Variants in NRXN3 observed in about 807,000 individuals in gnomAD.
NRXN3 encodes neurexin III.
In NRXN3, 32 loss-of-function variants were observed where a neutral mutation model predicts 137.6. The ratio of observed to expected loss-of-function variants is 0.23; its 90% CI spans 0.18 to 0.31. NRXN3 has a LOEUF of 0.31. Ranked by LOEUF, NRXN3 falls within the 10% of genes least tolerant of loss-of-function variation. The probability of loss-of-function intolerance (pLI) is 1.00; values close to 1 mark genes in which losing one functional copy is unlikely to be tolerated. For missense variants in NRXN3, 1,574 were observed against 2,062.5 expected, an observed-to-expected ratio of 0.76 and a Z score of 4.59; for synonymous variants, 798 against 784.5, an observed-to-expected ratio of 1.02 and a Z score of -0.29.
chr14:79,515,729 T>G (rs189528524), intron 16 of NRXN3, among the ~76,000 whole-genome samples: 1 of 152,264 alleles, frequency 6.6e-6, no homozygotes, highest in East Asian at 1.9e-4. Context: ...GTGCCAAGTA[T>G]GAGGGGGAAA....
At chr14:78,886,436 C>G (rs992805801) in intron 10 of NRXN3, among the ~76,000 whole-genome samples, 1 of 151,972 alleles carries the variant, frequency 6.6e-6, no homozygotes, top group Non-Finnish European at 1.5e-5. Flanking sequence ...TGATCAAACA[C>G]ATATTCTCTG....
chr14:78,395,455 G>T (rs2091340604), intron 4 of NRXN3, among the ~76,000 whole-genome samples: 1 of 151,848 alleles, frequency 6.6e-6, no homozygotes, highest in South Asian at 2.1e-4. Context: ...CCAGGATGTG[G>T]ACTATCTTGG....
At chr14:78,192,157 T>G (rs74526015) in intron 1 of NRXN3, among the ~76,000 whole-genome samples, 1 of 151,544 alleles carries the variant, frequency 6.6e-6, no homozygotes, top group Non-Finnish European at 1.5e-5. Flanking sequence ...GGGTGTGTGT[T>G]GTCAGGATAT....
intron 16 of NRXN3, among the ~76,000 whole-genome samples, chr14:79,605,783 C>A (rs1317325493): frequency 6.6e-6 from 1 of 152,194 alleles, no homozygotes; most frequent in Non-Finnish European, 1.5e-5. Flanking sequence ...AACCACTGCG[C>A]CTGGCCGATA....
At chr14:78,644,559 C>T (rs1401490323) in intron 4 of NRXN3, among the ~76,000 whole-genome samples, 2 of 152,146 alleles carry the variant, frequency 1.3e-5, no homozygotes, top group Non-Finnish European at 2.9e-5. Context: ...CAGGTCCAAC[C>T]TCCTACTTAA....
chr14:79,530,161 C>G (rs2097156768), intron 16 of NRXN3, among the ~76,000 whole-genome samples: 1 of 152,024 alleles, frequency 6.6e-6, no homozygotes, highest in African/African-American at 2.4e-5. Context: ...TTGCAAATCT[C>G]CAAACTCACA....
chr14:79,772,314 A>G (rs372533954), intron 19 of NRXN3, among the ~76,000 whole-genome samples: 106 of 152,054 alleles, frequency 7.0e-4, no homozygotes, highest in South Asian at 1.5e-3. Context: ...AGCCCGCATC[A>G]CCAAGTCAAT....
chr14:79,513,505 AAAG>A (rs1372148625), intron 16 of NRXN3, among the ~76,000 whole-genome samples: 2 of 152,222 alleles, frequency 1.3e-5, no homozygotes, highest in Non-Finnish European at 2.9e-5. Context: ...GCAGTGAATA[AAAG>A]AAGACAAAAC....
intron 2 of NRXN3, chr14:78,250,258 A>C (rs2153460985): frequency 2.9e-6 from 1 of 349,274 alleles, no homozygotes; most frequent in African/African-American, 2.2e-5. Context: ...AAAAAATCGT[A>C]CATCATGGAG....
intron 10 of NRXN3, among the ~76,000 whole-genome samples, chr14:78,900,970 T>C (rs1262292153): frequency 6.6e-6 from 1 of 152,070 alleles, no homozygotes; most frequent in Non-Finnish European, 1.5e-5. Context: ...CACTAGGGCA[T>C]GTGGGCTGAA....
intron 2 of NRXN3, among the ~76,000 whole-genome samples, chr14:78,257,395 A>C (rs544401885): frequency 6.6e-6 from 1 of 152,378 alleles, no homozygotes; most frequent in African/African-American, 2.4e-5. Flanking sequence ...TCAGGCAAAG[A>C]AGTATATAGC....
At chr14:78,964,715 G>A (rs1159806617) in intron 11 of NRXN3, among the ~76,000 whole-genome samples, 2 of 151,832 alleles carry the variant, frequency 1.3e-5, no homozygotes, top group South Asian at 4.2e-4. Context: ...TAAATGTTGA[G>A]GAAGCCAATT....
intron 15 of NRXN3, among the ~76,000 whole-genome samples, chr14:79,260,274 A>G (rs2153404355): frequency 6.6e-6 from 1 of 152,284 alleles, no homozygotes; most frequent in South Asian, 2.1e-4. Flanking sequence ...TATAAATTCT[A>G]TTTTATAAGA....
intron 10 of NRXN3, among the ~76,000 whole-genome samples, chr14:78,940,701 G>C (rs1205401815): frequency 6.6e-6 from 1 of 152,066 alleles, no homozygotes; most frequent in Admixed American, 6.6e-5. Flanking sequence ...AGTTTAGATG[G>C]GATATTTTTC....
intron 15 of NRXN3, among the ~76,000 whole-genome samples, chr14:79,257,878 A>C (rs959842749): frequency 2.3e-4 from 35 of 152,032 alleles, no homozygotes; most frequent in Non-Finnish European, 4.6e-4. Context: ...TAGGCCGAGA[A>C]ATTATACAAT....
intron 2 of NRXN3, among the ~76,000 whole-genome samples, chr14:78,255,069 G>A (rs1168259697): frequency 6.6e-6 from 1 of 150,826 alleles, no homozygotes; most frequent in Non-Finnish European, 1.5e-5. Flanking sequence ...TAGACTGGAA[G>A]CCTGCCAAGC....
At chr14:78,483,900 G>A (rs1038165384) in intron 4 of NRXN3, among the ~76,000 whole-genome samples, 1 of 151,730 alleles carries the variant, frequency 6.6e-6, no homozygotes, top group African/African-American at 2.4e-5. Context: ...TAGCTAGACT[G>A]CTGGTTCGAT....
chr14:79,654,677 G>A (rs965201004), intron 16 of NRXN3, among the ~76,000 whole-genome samples: 6 of 152,020 alleles, frequency 3.9e-5, no homozygotes, highest in Non-Finnish European at 8.8e-5. Context: ...AATCTAAACC[G>A]TATTATCTGA....
chr14:79,501,270 C>T (rs2096823824), intron 16 of NRXN3, among the ~76,000 whole-genome samples: 1 of 152,150 alleles, frequency 6.6e-6, no homozygotes, highest in South Asian at 2.1e-4. Context: ...AAATCCCACA[C>T]TGAACATTTC....
Sources: allele counts gnomAD v4.1 joint callset (sites outside exome capture counted in the v4.1 genomes callset), GRCh38; gene constraint gnomAD v4.1.1; transcripts MANE v1.5; gene names NCBI Gene and HGNC (gene_info 2026-07-23, HGNC 2026-07-21).